PDZRN4: variants seen among roughly 807,000 people sequenced by gnomAD.
The protein encoded by PDZRN4 is PDZ domain containing ring finger 4.
PDZRN4 carries 70 observed loss-of-function variants against 99.0 expected under a neutral mutation model. The observed-to-expected ratio is 0.71, with a 90% CI of 0.58 to 0.86. The LOEUF (loss-of-function observed/expected upper bound fraction) is 0.86. PDZRN4 is among the 40% of genes least tolerant of loss of function. PDZRN4 has a pLI of 0.00. For missense variants in PDZRN4, 1,474 were observed against 1,331.2 expected, an observed-to-expected ratio of 1.11 and a Z score of -1.67; for synonymous variants, 551 against 501.6, an observed-to-expected ratio of 1.10 and a Z score of -1.32.
At chr12:41,474,520 A>G (rs1463994223) in intron 3 of PDZRN4, among the ~76,000 whole-genome samples, 1 of 152,192 alleles carries the variant, frequency 6.6e-6, no homozygotes, top group African/African-American at 2.4e-5. Flanking sequence ...ACAGTTTGTA[A>G]ACGATGGAGT....
intron 3 of PDZRN4, among the ~76,000 whole-genome samples, chr12:41,501,280 C>A (rs1363899046): frequency 6.6e-6 from 1 of 152,072 alleles, no homozygotes; most frequent in Non-Finnish European, 1.5e-5. Flanking sequence ...ACTAGAGTGA[C>A]TGAGTTATTC....
intron 3 of PDZRN4, among the ~76,000 whole-genome samples, chr12:41,234,673 A>T (rs1287345697): frequency 6.6e-6 from 1 of 152,114 alleles, no homozygotes; most frequent in Admixed American, 6.6e-5. Flanking sequence ...TCACATGCAT[A>T]AAAACCCTAA....
At chr12:41,371,581 A>C (rs1420285975) in intron 3 of PDZRN4, among the ~76,000 whole-genome samples, 1 of 152,140 alleles carries the variant, frequency 6.6e-6, no homozygotes, top group Admixed American at 6.6e-5. Flanking sequence ...ACTAAACAAC[A>C]ACAAATAAAA....
Position 41,475,419 on chromosome 12 carries a change from A to G in PDZRN4, c.844-31037A>G, listed in dbSNP as rs143636509. On this transcript the variant is annotated intron_variant, in intron 3 of 9. Transcript: ENST00000402685. The stretch of plus-strand genomic sequence containing the variant: ...AAAATATTACCTTAGAATTGTCTTA[A>G]TGGTTCAGTAGTTAGAATCAATATA... 9.4e-3 allele frequency among the ~76,000 whole-genome samples: 1,425 copies of G among 152,272 alleles called. 23 individuals carry two copies. The highest frequency in any genetic ancestry group is 0.031 in the African/African-American group (1,281 of 41,564).
chr12:41,570,076 T>C (rs866478900), intron 9 of PDZRN4, among the ~76,000 whole-genome samples: 1 of 152,088 alleles, frequency 6.6e-6, no homozygotes, highest in Admixed American at 6.6e-5. Flanking sequence ...CCAGGTAAAG[T>C]GACAACGGTG....
chr12:41,235,903 A>AT (rs199520500), intron 3 of PDZRN4, among the ~76,000 whole-genome samples: 2 of 151,982 alleles, frequency 1.3e-5, no homozygotes, highest in African/African-American at 2.4e-5. Context: ...TATAACACTC[A>AT]TTTTTTTTCA....
At chr12:41,221,267 A>T (rs1014056108) in intron 3 of PDZRN4, among the ~76,000 whole-genome samples, 3 of 152,142 alleles carry the variant, frequency 2.0e-5, no homozygotes, top group African/African-American at 7.2e-5. Flanking sequence ...AGATTTGAGG[A>T]TTGTTTGTTA....
chr12:41,227,453 C>T (rs1951002110), intron 3 of PDZRN4, among the ~76,000 whole-genome samples: 1 of 151,998 alleles, frequency 6.6e-6, no homozygotes, highest in Admixed American at 6.6e-5. Context: ...TCACTTGAGC[C>T]CAGGAGTTCA....
intron 3 of PDZRN4, among the ~76,000 whole-genome samples, chr12:41,254,576 T>C (rs1050893249): frequency 1.2e-4 from 19 of 152,262 alleles, no homozygotes; most frequent in African/African-American, 4.6e-4. Flanking sequence ...CCCATGCTCA[T>C]TTATGTAATA....
intron 3 of PDZRN4, among the ~76,000 whole-genome samples, chr12:41,453,846 AATTAGCAGG>A (rs1476950223): frequency 1.4e-5 from 2 of 143,406 alleles, no homozygotes; most frequent in African/African-American, 5.4e-5. Flanking sequence ...TAAGTGCTTT[AATTAGCAGG>A]TTTACGAAAC....
intron 3 of PDZRN4, among the ~76,000 whole-genome samples, chr12:41,477,581 T>C (rs1249284301): frequency 6.6e-6 from 1 of 152,202 alleles, no homozygotes; most frequent in East Asian, 1.9e-4. Flanking sequence ...TTATTTCCAT[T>C]GTTTAGAAGG....
intron 3 of PDZRN4, among the ~76,000 whole-genome samples, chr12:41,243,641 A>C (rs1000767094): frequency 3.3e-5 from 5 of 152,130 alleles, no homozygotes; most frequent in African/African-American, 1.2e-4. Flanking sequence ...TTAACAAATA[A>C]AATAAATAAA....
At position 41,192,260 on chromosome 12, in the gene PDZRN4, C is replaced by T. The variant is rs139645240; in HGVS notation, c.735+716C>T. On this transcript the variant is annotated intron_variant, in intron 2 of 9. Transcript: ENST00000402685. ...CTGGGATTATAGGCGTGTGCCACCA[C>T]GCCCAGCTAATTTTTGTATTTGTAG... Among the ~76,000 whole-genome samples the T allele has an allele frequency of 9.2e-5, 14 of 152,240 alleles. No homozygotes were observed. The Middle Eastern group carries it at 0.017, about 185-fold the overall frequency.
chr12:41,240,372 T>C lies in PDZRN4; in HGVS notation c.843+46184T>C, dbSNP rs544072361. Among the ~76,000 whole-genome samples, 7 of 152,280 alleles carry C rather than the reference T, an allele frequency of 4.6e-5. No individual in the cohort carries two copies. The South Asian group carries it at 1.4e-3, about 32-fold the overall frequency. ...CTGTCTCAAAACATAATGGGTGTAA[T>C]AACTGTAGTTTTTCAGCATCATACT... On this transcript the variant is annotated intron_variant, in intron 3 of 9. Coordinates refer to ENST00000402685, the MANE Select transcript of PDZRN4 (RefSeq NM_001164595.2).
intron 3 of PDZRN4, among the ~76,000 whole-genome samples, chr12:41,247,145 C>T (rs915785427): frequency 4.6e-5 from 7 of 152,038 alleles, no homozygotes; most frequent in African/African-American, 9.7e-5. Flanking sequence ...GGAATTAATA[C>T]CAAAATAATC....
chr12:41,295,015 C>T (rs116479512), intron 3 of PDZRN4, among the ~76,000 whole-genome samples: 2,252 of 151,578 alleles, frequency 0.015, 56 homozygotes, highest in African/African-American at 0.053. Flanking sequence ...AAAAAAAAAT[C>T]GCAGTAGCTC....
intron 9 of PDZRN4, among the ~76,000 whole-genome samples, chr12:41,572,063 C>T (rs1000942044): frequency 2.0e-5 from 3 of 152,154 alleles, no homozygotes; most frequent in African/African-American, 7.2e-5. Flanking sequence ...CCTTCAACCC[C>T]GAGTTTCCCA....
chr12:41,248,747 A>T (rs1951149707), intron 3 of PDZRN4, among the ~76,000 whole-genome samples: 1 of 152,204 alleles, frequency 6.6e-6, no homozygotes, highest in African/African-American at 2.4e-5. Context: ...TTAGAAGTGA[A>T]ATAAATTTTA....
chr12:41,512,862 C>T (rs1470376158), intron 5 of PDZRN4, among the ~76,000 whole-genome samples: 1 of 152,056 alleles, frequency 6.6e-6, no homozygotes, highest in Non-Finnish European at 1.5e-5. Context: ...TTTCTTCTGA[C>T]ATTTTAATGG....
Sources: allele counts gnomAD v4.1 joint callset (sites outside exome capture counted in the v4.1 genomes callset), GRCh38; gene constraint gnomAD v4.1.1; transcripts MANE v1.5; gene names NCBI Gene and HGNC (gene_info 2026-07-23, HGNC 2026-07-21).